ADARB2: variants seen among roughly 807,000 people sequenced by gnomAD.
ADARB2 encodes the protein inactive double-stranded RNA-specific editase B2.
A neutral mutation model predicts 62.2 loss-of-function variants in ADARB2; 25 were observed. The ratio of observed to expected loss-of-function variants is 0.40; its 90% CI spans 0.29 to 0.56. ADARB2 has a LOEUF of 0.56. Ranked by LOEUF, ADARB2 falls within the 20% of genes least tolerant of loss-of-function variation. ADARB2 has a pLI of 0.43. For missense variants in ADARB2, 1,071 were observed against 1,077.4 expected (o/e 0.99, Z 0.08); for synonymous variants, 572 against 500.8 (o/e 1.14, Z -1.90).
intron 4 of ADARB2, among the ~76,000 whole-genome samples, chr10:1,253,609 A>G (rs916577089): frequency 4.6e-5 from 7 of 152,236 alleles, no homozygotes; most frequent in African/African-American, 1.7e-4. Context: ...AGCTCCTTTC[A>G]CAGCACATGC....
intron 3 of ADARB2, chr10:1,292,389 A>G (rs901250770): frequency 1.4e-4 from 22 of 152,366 alleles, no homozygotes; most frequent in African/African-American, 5.0e-4. Context: ...TCTACTGTGA[A>G]GCCTTTTTAT....
intron 2 of ADARB2, among the ~76,000 whole-genome samples, chr10:1,375,735 GCA>G (rs1199813014): frequency 2.6e-5 from 4 of 152,156 alleles, no homozygotes; most frequent in African/African-American, 9.7e-5. Context: ...GCACACATGT[GCA>G]CAGATTCACA....
chr10:1,246,908 A>G (rs1490696786), intron 4 of ADARB2, among the ~76,000 whole-genome samples: 1 of 151,886 alleles, frequency 6.6e-6, no homozygotes, highest in Non-Finnish European at 1.5e-5. Context: ...CATTGAATCT[A>G]TAAATTACCT....
intron 1 of ADARB2, among the ~76,000 whole-genome samples, chr10:1,409,858 C>T (rs1832743498): frequency 8.8e-6 from 1 of 113,920 alleles, no homozygotes; most frequent in African/African-American, 2.9e-5. Flanking sequence ...GGGAATGATC[C>T]TCATTGGTGC....
chr10:1,735,626 G>A (rs971049279), intron 1 of ADARB2, among the ~76,000 whole-genome samples: 7 of 152,254 alleles, frequency 4.6e-5, no homozygotes, highest in Middle Eastern at 3.4e-3. Context: ...ATCTTTGGAG[G>A]ACACTAACAG....
intron 3 of ADARB2, among the ~76,000 whole-genome samples, chr10:1,276,394 G>C (rs965126168): frequency 3.3e-5 from 5 of 152,228 alleles, no homozygotes; most frequent in African/African-American, 1.2e-4. Context: ...GTTCATTGTA[G>C]ATTCTGGATA....
chr10:1,502,713 G>A (rs1831781380), intron 1 of ADARB2, among the ~76,000 whole-genome samples: 1 of 152,208 alleles, frequency 6.6e-6, no homozygotes. Context: ...AGGTTGTGTA[G>A]TTTAAAACAT....
At position 1,273,482 on chromosome 10, in the gene ADARB2, C is replaced by T. The variant is rs543145552; in HGVS notation, c.1078-2413G>A. Among the ~76,000 whole-genome samples the T allele has an allele frequency of 1.2e-4, 18 of 152,320 alleles. No individual in the cohort carries two copies. In the South Asian group the frequency reaches 1.2e-3, roughly 11 times the overall value. On this transcript the variant is annotated intron_variant, in intron 3 of 9. Transcript: ENST00000381312. ...AATCACACACAGTTGCCATGAACGA[C>T]GTCCACAAGGTGGGTGGCAGGCGGG...
chr10:1,213,198 AAGAG>A (rs374614543), intron 7 of ADARB2, among the ~76,000 whole-genome samples: 2 of 146,948 alleles, frequency 1.4e-5, no homozygotes, highest in East Asian at 1.9e-4. Context: ...TAAAAAGACA[AAGAG>A]AGACAGAGAT....
chr10:1,525,237 G>A (rs1249422862), intron 1 of ADARB2, among the ~76,000 whole-genome samples: 1 of 152,092 alleles, frequency 6.6e-6, no homozygotes, highest in African/African-American at 2.4e-5. Context: ...CTTGTAACAC[G>A]TGCATATGAG....
chr10:1,707,376 C>T (rs1163254092), intron 1 of ADARB2, among the ~76,000 whole-genome samples: 1 of 152,232 alleles, frequency 6.6e-6, no homozygotes, highest in Non-Finnish European at 1.5e-5. Context: ...TTTCTGTGAA[C>T]GTTTGTCTGC....
At position 1,561,287 on chromosome 10, in the gene ADARB2, A is replaced by T. The variant is rs1245206773; in HGVS notation, c.100+175764T>A. On this transcript the variant is annotated intron_variant, in intron 1 of 9. Coordinates refer to ENST00000381312, the MANE Select transcript of ADARB2 (RefSeq NM_018702.4). ...TTGGCACGTGTGCCCTGGCTGCGGG[A>T]CTGGATGTCATAGACCCAGACAACT... 2.0e-5 allele frequency among the ~76,000 whole-genome samples: 3 copies of T among 152,116 alleles called. No homozygotes were observed. In the South Asian group the frequency reaches 6.2e-4, roughly 32 times the overall value.
chr10:1,328,959 T>C (rs1414018877), intron 3 of ADARB2, among the ~76,000 whole-genome samples: 1 of 132,972 alleles, frequency 7.5e-6, no homozygotes, highest in African/African-American at 2.9e-5. Context: ...ATTGCACCAC[T>C]GCACTCCAGC....
chr10:1,344,307 T>C (rs1192329747), intron 3 of ADARB2, among the ~76,000 whole-genome samples: 1 of 152,240 alleles, frequency 6.6e-6, no homozygotes, highest in African/African-American at 2.4e-5. Context: ...ATGTGTGAAC[T>C]CTTGGAGCCT....
intron 3 of ADARB2, among the ~76,000 whole-genome samples, chr10:1,312,978 G>T (rs1199608157): frequency 6.6e-6 from 1 of 152,178 alleles, no homozygotes; most frequent in African/African-American, 2.4e-5. Flanking sequence ...GGGAAGATGT[G>T]ATCTTGGGGT....
chr10:1,545,854 G>A (rs770766769), intron 1 of ADARB2, among the ~76,000 whole-genome samples: 1 of 152,224 alleles, frequency 6.6e-6, no homozygotes, highest in Non-Finnish European at 1.5e-5. Flanking sequence ...TAGTGGGCAG[G>A]ATGAGGGAGG....
intron 1 of ADARB2, among the ~76,000 whole-genome samples, chr10:1,546,336 G>A (rs1017930244): frequency 7.9e-5 from 12 of 152,158 alleles, no homozygotes; most frequent in African/African-American, 2.9e-4. Flanking sequence ...CTGGTGTTTC[G>A]GCAACAGGTT....
intron 1 of ADARB2, among the ~76,000 whole-genome samples, chr10:1,652,883 G>C (rs1217357505): frequency 2.6e-5 from 4 of 152,180 alleles, no homozygotes; most frequent in Non-Finnish European, 5.9e-5. Flanking sequence ...GACAGTGATG[G>C]AAGGGTGCGT....
In ADARB2 at chr10:1,182,873, C is replaced by T. The variant is rs1260873112; in HGVS notation, c.*320G>A. On this transcript the variant is annotated 3_prime_UTR_variant, in exon 10 of 10. Transcript: ENST00000381312. ...GGCTCACTCCTGCCTGGTGTCGTGT[C>T]GGTGCCTCCTTCCAAGGCTGCAGCT... is the stretch of plus-strand genomic sequence containing the variant. 1.1e-5 allele frequency: 3 copies of T among 275,940 alleles called. No homozygotes were observed. Among genetic ancestry groups the T allele is most frequent in the Non-Finnish European group, 1.4e-5 (2 of 143,716 alleles). The allele number at this position is 275,940 out of a possible 1,614,324, so 17.1% of individuals were successfully genotyped here.
Sources: gnomAD v4.1 joint callset for allele counts (sites outside exome capture counted in the v4.1 genomes callset) on GRCh38, gnomAD v4.1.1 for gene constraint, MANE v1.5 for transcripts, NCBI Gene and HGNC (gene_info 2026-07-23, HGNC 2026-07-21) for gene names.